Variants in LSAMP observed in about 807,000 individuals in gnomAD.
The protein encoded by LSAMP is limbic system-associated membrane protein.
LSAMP carries 7 observed loss-of-function variants against 38.6 expected under a neutral mutation model. The ratio of observed to expected loss-of-function variants is 0.18; its 90% CI spans 0.10 to 0.34. LSAMP has a LOEUF of 0.34. LSAMP is among the 10% of genes least tolerant of loss of function. The pLI, the probability that LSAMP is intolerant of heterozygous loss-of-function variation, is 1.00. For synonymous variants in LSAMP, 154 were observed against 166.8 expected (o/e 0.92, Z 0.59); for missense variants, 313 against 420.0 (o/e 0.75, Z 2.23).
intron 1 of LSAMP, among the ~76,000 whole-genome samples, chr3:116,199,586 A>G (rs2045962388): frequency 6.6e-6 from 1 of 152,154 alleles, no homozygotes; most frequent in South Asian, 2.1e-4. Context: ...TAAATGAGTG[A>G]GCAAATAAAT....
chr3:116,253,510 A>G (rs1475433612), intron 1 of LSAMP, among the ~76,000 whole-genome samples: 1 of 152,182 alleles, frequency 6.6e-6, no homozygotes. Flanking sequence ...ATTCACAGCA[A>G]CCCAAAATAA....
At chr3:116,158,523 CA>C (rs1709809016) in intron 1 of LSAMP, among the ~76,000 whole-genome samples, 1 of 152,024 alleles carries the variant, frequency 6.6e-6, no homozygotes, top group Non-Finnish European at 1.5e-5. Flanking sequence ...TTAATGTATA[CA>C]AATCATCAGT....
chr3:115,871,311 C>T (rs985399235), intron 3 of LSAMP, among the ~76,000 whole-genome samples: 1 of 151,688 alleles, frequency 6.6e-6, no homozygotes, highest in African/African-American at 2.4e-5. Context: ...TACCCAGGGT[C>T]AAGACTCAAG....
chr3:116,211,139 G>C (rs1295312527), intron 1 of LSAMP, among the ~76,000 whole-genome samples: 1 of 152,064 alleles, frequency 6.6e-6, no homozygotes, highest in East Asian at 1.9e-4. Flanking sequence ...TCTAAAAAAT[G>C]CTAAACTCAT....
At chr3:116,080,322 G>T (rs1323425210) in intron 2 of LSAMP, among the ~76,000 whole-genome samples, 1 of 152,096 alleles carries the variant, frequency 6.6e-6, no homozygotes, top group African/African-American at 2.4e-5. Context: ...GCCAACTCTT[G>T]TGCCACTATT....
chr3:116,007,040 T>C (rs1317494486), intron 3 of LSAMP, among the ~76,000 whole-genome samples: 1 of 152,210 alleles, frequency 6.6e-6, no homozygotes, highest in Non-Finnish European at 1.5e-5. Context: ...TAGTTTTTGT[T>C]ACTAGAATAC....
At chr3:116,060,559 G>A (rs1349132845) in intron 2 of LSAMP, among the ~76,000 whole-genome samples, 4 of 152,150 alleles carry the variant, frequency 2.6e-5, no homozygotes, top group Admixed American at 1.3e-4. Flanking sequence ...TCGGGAGTTC[G>A]AGACCAGCCT....
chr3:115,815,422 G>A (rs1379796243), intron 6 of LSAMP, among the ~76,000 whole-genome samples: 4 of 152,052 alleles, frequency 2.6e-5, no homozygotes, highest in African/African-American at 9.7e-5. Context: ...AAAATCAATT[G>A]AATGTGAGCT....
intron 3 of LSAMP, among the ~76,000 whole-genome samples, chr3:116,007,528 A>G (rs996196277): frequency 6.6e-6 from 1 of 152,228 alleles, no homozygotes; most frequent in African/African-American, 2.4e-5. Context: ...AGACTCAAAC[A>G]TCATTAGAAT....
intron 2 of LSAMP, among the ~76,000 whole-genome samples, chr3:116,056,806 G>T (rs1559725624): frequency 2.0e-5 from 3 of 152,090 alleles, no homozygotes; most frequent in African/African-American, 7.2e-5. Flanking sequence ...TCCTCATCAA[G>T]ACAGTGGGAT....
intron 1 of LSAMP, among the ~76,000 whole-genome samples, chr3:116,321,468 T>C (rs777460938): frequency 6.6e-6 from 1 of 152,208 alleles, no homozygotes; most frequent in Non-Finnish European, 1.5e-5. Context: ...GTGCTTACCA[T>C]GTGCCAAGTA....
chr3:116,155,218 T>G (rs1355086465), intron 1 of LSAMP, among the ~76,000 whole-genome samples: 1 of 151,916 alleles, frequency 6.6e-6, no homozygotes, highest in Non-Finnish European at 1.5e-5. Flanking sequence ...AGGTCTGTTT[T>G]TTTTGTTTTG....
At chr3:116,100,003 T>C (rs1270152455) in intron 1 of LSAMP, among the ~76,000 whole-genome samples, 2 of 150,546 alleles carry the variant, frequency 1.3e-5, no homozygotes, top group African/African-American at 4.9e-5. Flanking sequence ...TTGGTTCTTC[T>C]TCTAAATTCC....
intron 1 of LSAMP, among the ~76,000 whole-genome samples, chr3:116,333,466 G>A (rs1432853939): frequency 4.0e-5 from 6 of 151,300 alleles, no homozygotes; most frequent in East Asian, 1.9e-4. Flanking sequence ...CCCAGGAGGC[G>A]GAGGTTGCAG....
intron 1 of LSAMP, among the ~76,000 whole-genome samples, chr3:116,233,285 C>A (rs545486385): frequency 6.6e-6 from 1 of 151,732 alleles, no homozygotes; most frequent in South Asian, 2.1e-4. Context: ...TGGTGGTTGG[C>A]GCCTGTAGTC....
At chr3:115,919,944 T>C (rs1187666624) in intron 3 of LSAMP, among the ~76,000 whole-genome samples, 1 of 152,214 alleles carries the variant, frequency 6.6e-6, no homozygotes, top group African/African-American at 2.4e-5. Context: ...ATAACTGAAG[T>C]AGCATTTGTC....
At chr3:116,139,423 T>C (rs1335887848) in intron 1 of LSAMP, among the ~76,000 whole-genome samples, 2 of 152,020 alleles carry the variant, frequency 1.3e-5, no homozygotes, top group African/African-American at 4.8e-5. Flanking sequence ...ATCAATGAAG[T>C]TGGCAAATGA....
chr3:116,305,860 C>A (rs548414931), intron 1 of LSAMP, among the ~76,000 whole-genome samples: 1 of 151,582 alleles, frequency 6.6e-6, no homozygotes, highest in Non-Finnish European at 1.5e-5. Context: ...CTCTCATTCC[C>A]CAGTCTGAGA....
intron 2 of LSAMP, among the ~76,000 whole-genome samples, chr3:116,020,282 C>T (rs1940601576): frequency 6.6e-6 from 1 of 152,130 alleles, no homozygotes; most frequent in South Asian, 2.1e-4. Flanking sequence ...AATACTATTA[C>T]TTCTAGTACT....
Sources: allele counts gnomAD v4.1 joint callset (sites outside exome capture counted in the v4.1 genomes callset), GRCh38; gene constraint gnomAD v4.1.1; transcripts MANE v1.5; gene names NCBI Gene and HGNC (gene_info 2026-07-23, HGNC 2026-07-21).